Variants in AGBL1 observed in about 807,000 individuals in gnomAD.
AGBL1 encodes the protein cytosolic carboxypeptidase 4.
AGBL1 carries 130 observed loss-of-function variants against 118.9 expected under a neutral mutation model. The ratio of observed to expected loss-of-function variants is 1.09; its 90% CI spans 0.95 to 1.26. The LOEUF (loss-of-function observed/expected upper bound fraction) is 1.26. AGBL1 is among the 50% of genes most tolerant of loss of function. The probability of loss-of-function intolerance (pLI) is 0.00; values close to 1 mark genes in which losing one functional copy is unlikely to be tolerated. For synonymous variants in AGBL1, 555 were observed against 478.9 expected, an observed-to-expected ratio of 1.16 and a Z score of -2.08; for missense variants, 1,584 against 1,298.1, an observed-to-expected ratio of 1.22 and a Z score of -3.38.
intron 21 of AGBL1, among the ~76,000 whole-genome samples, chr15:86,611,911 T>C (rs1175347554): frequency 2.0e-5 from 3 of 152,170 alleles, no homozygotes; most frequent in African/African-American, 7.2e-5. Context: ...CATGCACAAG[T>C]GGCTGGTATT....
chr15:86,833,286 T>C (rs986983018), intron 22 of AGBL1, among the ~76,000 whole-genome samples: 4 of 152,014 alleles, frequency 2.6e-5, no homozygotes, highest in Non-Finnish European at 5.9e-5. Context: ...GTACTTAATA[T>C]GGTTTGGCTG....
chr15:86,765,367 A>C (rs78719725), intron 22 of AGBL1, among the ~76,000 whole-genome samples: 2 of 152,024 alleles, frequency 1.3e-5, no homozygotes, highest in East Asian at 3.9e-4. Flanking sequence ...CTCACAGTCT[A>C]GTGAGGAAAG....
chr15:86,614,043 A>G (rs1475005826), intron 21 of AGBL1, among the ~76,000 whole-genome samples: 1 of 152,196 alleles, frequency 6.6e-6, no homozygotes, highest in Non-Finnish European at 1.5e-5. Context: ...AATAAAAATA[A>G]ATCCTAAGAA....
At chr15:86,748,586 A>C (rs1199484169) in intron 22 of AGBL1, among the ~76,000 whole-genome samples, 2 of 120,478 alleles carry the variant, frequency 1.7e-5, no homozygotes, top group Non-Finnish European at 3.2e-5. Context: ...GTCCTTGCCC[A>C]TGCCTATGTC....
intron 4 of AGBL1, among the ~76,000 whole-genome samples, chr15:86,157,542 A>C (rs1352810757): frequency 2.0e-5 from 3 of 152,184 alleles, no homozygotes; most frequent in Non-Finnish European, 4.4e-5. Context: ...GGAGGTGGCT[A>C]TCTGATTCAT....
intron 3 of AGBL1, among the ~76,000 whole-genome samples, chr15:86,146,679 C>T (rs888558383): frequency 6.6e-6 from 1 of 152,190 alleles, no homozygotes; most frequent in African/African-American, 2.4e-5. Flanking sequence ...GATTACATCA[C>T]CACAGTTTCT....
chr15:86,138,139 A>G (rs1309811796), intron 1 of AGBL1: 1 of 152,208 alleles, frequency 6.6e-6, no homozygotes, highest in Non-Finnish European at 1.5e-5. Flanking sequence ...AATAATGTGC[A>G]ATTCCCTTCA....
intron 22 of AGBL1, among the ~76,000 whole-genome samples, chr15:86,773,133 A>G (rs2078205570): frequency 6.6e-6 from 1 of 152,000 alleles, no homozygotes; most frequent in Admixed American, 6.6e-5. Context: ...AACCAACATT[A>G]TTGAGTATAT....
intron 24 of AGBL1, among the ~76,000 whole-genome samples, chr15:87,026,495 A>G (rs2081727859): frequency 6.6e-6 from 1 of 152,112 alleles, no homozygotes; most frequent in Non-Finnish European, 1.5e-5. Context: ...TCAAAAAAAT[A>G]GTAGACGTTG....
chr15:86,420,733 G>A (rs986058460), intron 18 of AGBL1, among the ~76,000 whole-genome samples: 3 of 152,154 alleles, frequency 2.0e-5, no homozygotes, highest in African/African-American at 7.2e-5. Context: ...TAGAGGAATT[G>A]CTAACTAGAA....
intron 24 of AGBL1, among the ~76,000 whole-genome samples, chr15:86,994,842 A>T (rs1028784796): frequency 3.3e-5 from 5 of 152,222 alleles, no homozygotes; most frequent in Non-Finnish European, 4.4e-5. Context: ...ATTTCATTTT[A>T]TTTCTCAACC....
intron 24 of AGBL1, among the ~76,000 whole-genome samples, chr15:87,008,257 G>A (rs937812602): frequency 1.3e-5 from 2 of 152,162 alleles, no homozygotes; most frequent in Admixed American, 1.3e-4. Flanking sequence ...GGACCCAGTG[G>A]GAGGTGATTG....
chr15:86,503,314 T>C (rs2082937724), intron 18 of AGBL1, among the ~76,000 whole-genome samples: 1 of 151,542 alleles, frequency 6.6e-6, no homozygotes, highest in African/African-American at 2.4e-5. Context: ...TTTTAATAAT[T>C]TACATCTTTT....
At chr15:87,019,896 G>A (rs1168113379) in intron 24 of AGBL1, among the ~76,000 whole-genome samples, 1 of 151,534 alleles carries the variant, frequency 6.6e-6, no homozygotes, top group Non-Finnish European at 1.5e-5. Flanking sequence ...GAAGAAAGAA[G>A]AATCAAAGAA....
intron 22 of AGBL1, among the ~76,000 whole-genome samples, chr15:86,826,250 A>G (rs559378806): frequency 6.6e-6 from 1 of 152,274 alleles, no homozygotes; most frequent in South Asian, 2.1e-4. Context: ...GGCAAATATC[A>G]TTGATGTTCT....
At chr15:86,487,330 C>T (rs2082726494) in intron 18 of AGBL1, among the ~76,000 whole-genome samples, 1 of 152,056 alleles carries the variant, frequency 6.6e-6, no homozygotes, top group African/African-American at 2.4e-5. Flanking sequence ...CACCCCAGCC[C>T]ATGGAAGATG....
intron 23 of AGBL1, among the ~76,000 whole-genome samples, chr15:86,968,986 T>C (rs2081081513): frequency 6.6e-6 from 1 of 151,926 alleles, no homozygotes; most frequent in South Asian, 2.1e-4. Flanking sequence ...CACCTTTTAA[T>C]ACCATCACTT....
chr15:86,695,457 A>G (rs2086240545), intron 22 of AGBL1, among the ~76,000 whole-genome samples: 2 of 151,710 alleles, frequency 1.3e-5, no homozygotes, highest in African/African-American at 2.4e-5. Context: ...TTTCGTTTCT[A>G]ATTGAGTTCA....
At chr15:86,644,116 T>G (rs1019213345) in intron 21 of AGBL1, among the ~76,000 whole-genome samples, 2 of 152,240 alleles carry the variant, frequency 1.3e-5, no homozygotes, top group African/African-American at 4.8e-5. Context: ...ATATGCTGAT[T>G]ATATTAATCT....
Sources: allele counts gnomAD v4.1 joint callset (sites outside exome capture counted in the v4.1 genomes callset), GRCh38; gene constraint gnomAD v4.1.1; transcripts MANE v1.5; gene names NCBI Gene and HGNC (gene_info 2026-07-23, HGNC 2026-07-21).